Variants in BLM observed in about 807,000 individuals in gnomAD.
BLM encodes recQ-like DNA helicase BLM.
In BLM, 95 loss-of-function variants were observed where a neutral mutation model predicts 135.3. That is an observed-to-expected ratio of 0.70 (90% confidence interval 0.59 to 0.83). The LOEUF (loss-of-function observed/expected upper bound fraction) is 0.83, where lower values mean the gene tolerates loss of function less well. Among genes scored for constraint, BLM ranks in the 40% least tolerant of loss-of-function variants. The pLI is 0.00. For synonymous variants in BLM, 520 were observed against 589.2 expected, an observed-to-expected ratio of 0.88 and a Z score of 1.70; for missense variants, 1,518 against 1,663.9, an observed-to-expected ratio of 0.91 and a Z score of 1.53.
intron 2 of BLM, among the ~76,000 whole-genome samples, chr15:90,747,965 G>T (rs1034327012): frequency 1.3e-5 from 2 of 151,746 alleles, no homozygotes; most frequent in African/African-American, 4.8e-5. Flanking sequence ...CTGCCACCAC[G>T]CCTGGCTAAT....
At chr15:90,804,386 G>T (rs750165579) in intron 19 of BLM, 27 bp downstream of exon 19, 2 of 1,591,082 alleles carry the variant, frequency 1.3e-6, no homozygotes, top group Admixed American at 3.3e-5. Context: ...CCTTTGTTAC[G>T]TGGCACAGAT....
intron 1 of BLM, among the ~76,000 whole-genome samples, chr15:90,736,810 AAT>A (rs1388464111): frequency 2.0e-5 from 3 of 152,212 alleles, no homozygotes; most frequent in Non-Finnish European, 4.4e-5. Context: ...AAGAAGGGAA[AAT>A]ATGAGACTCT....
At chr15:90,804,688 C>A (rs1897248801) in intron 19 of BLM, among the ~76,000 whole-genome samples, 1 of 152,154 alleles carries the variant, frequency 6.6e-6, no homozygotes, top group African/African-American at 2.4e-5. Context: ...TGGTCTCGAA[C>A]TCTTGGCTTC....
intron 1 of BLM, among the ~76,000 whole-genome samples, chr15:90,725,147 G>A (rs926007507): frequency 1.3e-5 from 2 of 152,112 alleles, no homozygotes. Context: ...GACCTCAGGT[G>A]ATCTGCCCGT....
chr15:90,771,516 G>A (rs1896315881), intron 12 of BLM, among the ~76,000 whole-genome samples: 2 of 150,678 alleles, frequency 1.3e-5, no homozygotes, highest in South Asian at 4.2e-4. Flanking sequence ...CAAAAAAAAA[G>A]ATGTCATATT....
At chr15:90,730,804 A>G (rs1047259339) in intron 1 of BLM, among the ~76,000 whole-genome samples, 1 of 152,148 alleles carries the variant, frequency 6.6e-6, no homozygotes, top group Non-Finnish European at 1.5e-5. Context: ...ATTTTATCAT[A>G]TGCTTATTCT....
intron 3 of BLM, among the ~76,000 whole-genome samples, chr15:90,750,366 C>T (rs1403093528): frequency 6.6e-6 from 1 of 152,170 alleles, no homozygotes; most frequent in Non-Finnish European, 1.5e-5. Flanking sequence ...TTACCCGCAG[C>T]CGGCTGAGGT....
rs146035576 is a variant in BLM at position 90,732,954 on chromosome 15, G to A, written c.-4-14435G>A. On this transcript the variant is annotated intron_variant, in intron 1 of 21. Coordinates refer to ENST00000355112, the MANE Select transcript of BLM (RefSeq NM_000057.4). The stretch of plus-strand genomic sequence containing the variant: ...ACTAAATACAAAAACTTAGCCAGGC[G>A]TGGTGGCATGCACCTGTAATCCCAG... Among the ~76,000 whole-genome samples, 522 of 152,232 alleles carry A rather than the reference G, an allele frequency of 3.4e-3. 2 individuals carry two copies. Among genetic ancestry groups the A allele is most frequent in the African/African-American group, 0.012 (509 of 41,550 alleles).
intron 12 of BLM, among the ~76,000 whole-genome samples, chr15:90,770,595 T>A (rs1344484370): frequency 6.6e-6 from 1 of 152,270 alleles, no homozygotes; most frequent in Non-Finnish European, 1.5e-5. Context: ...ACAACTGTTG[T>A]GTGCCGAGTT....
chr15:90,785,111 G>A, intron 14 of BLM, 30 bp downstream of exon 14: 1 of 1,599,310 alleles, frequency 6.3e-7, no homozygotes, highest in African/African-American at 1.4e-5. Flanking sequence ...ACAAATAATA[G>A]AAATAATCTT....
In BLM at chr15:90,760,926, C is replaced by T. The variant is rs1596230143; in HGVS notation, c.1553C>T (p.Ser518Phe). ...AGACTAGGAAAAAAAAATGAAAGCT[C>T]TTATTTCCCAGGAAATGTTCTCACA... ...TPRLGKKNES[S>F]YFPGNVLTST... is the part of the protein sequence containing the mutation. The change falls in exon 7 of 22, where the codon TCT becomes TTT. Residue 518 changes from serine to phenylalanine, a missense_variant. By Grantham distance (155) the Ser-to-Phe change is radical. Transcript: ENST00000355112. 6.2e-7 allele frequency: 1 copy of T among 1,614,002 alleles called. No homozygotes were observed. Among genetic ancestry groups the T allele is most frequent in the Non-Finnish European group, 8.5e-7 (1 of 1,179,986 alleles).
At position 90,749,922 on chromosome 15, in the gene BLM, A is replaced by G; in HGVS notation, c.654A>G (p.Ile218Met). 1 of 1,613,684 alleles carries G rather than the reference A, an allele frequency of 6.2e-7. No homozygotes were observed. The highest frequency in any genetic ancestry group is 8.5e-7 in the Non-Finnish European group (1 of 1,179,526). The change falls in exon 3 of 22, where the codon ATA (isoleucine) becomes ATG (methionine). Residue 218 changes from isoleucine to methionine, a missense_variant. Ile to Met is a conservative substitution (Grantham distance 10). Coordinates refer to ENST00000355112, the MANE Select transcript of BLM (RefSeq NM_000057.4). ...CACCCTCCTCTGAAAGCGAGCAAATAGATTTGACTGAGGAACAGAAGGATG... is the reference window on the plus strand; with the variant it reads ...CACCCTCCTCTGAAAGCGAGCAAATGGATTTGACTGAGGAACAGAAGGATG... ...LPPPSSESEQ[I>M]DLTEEQKDDS...
chr15:90,749,783 C>T lies in BLM; in HGVS notation c.515C>T (p.Pro172Leu), dbSNP rs1366240473. ...TSETSKSFVT[P>L]PQSHFVRVST... ...GAGACTTCAAAATCATTTGTTACAC[C>T]ACCCCAAAGTCACTTTGTAAGAGTA... The change falls in exon 3 of 22, where the codon CCA becomes CTA. Residue 172 changes from proline to leucine, a missense_variant. This residue lies in a region of BLM where 724 missense variants were observed against 756.9 expected (regional missense o/e 0.96). Transcript: ENST00000355112. The T allele has an allele frequency of 1.9e-6, 3 of 1,611,888 alleles. No homozygotes were observed. The Admixed American group carries it at 5.0e-5, about 27-fold the overall frequency.
chr15:90,741,693 T>G (rs1895368020), intron 1 of BLM, among the ~76,000 whole-genome samples: 2 of 152,218 alleles, frequency 1.3e-5, no homozygotes, highest in African/African-American at 4.8e-5. Flanking sequence ...AATTATCTAT[T>G]GTTATGACTG....
At chr15:90,814,613 G>A (rs1270328347) in intron 21 of BLM, among the ~76,000 whole-genome samples, 5 of 152,166 alleles carry the variant, frequency 3.3e-5, no homozygotes, top group African/African-American at 1.2e-4. Context: ...TGCCACTCCT[G>A]GCCACCCAGC....
chr15:90,738,432 G>A (rs889516783), intron 1 of BLM, among the ~76,000 whole-genome samples: 2 of 152,108 alleles, frequency 1.3e-5, no homozygotes, highest in Non-Finnish European at 2.9e-5. Context: ...AAATTTGCCA[G>A]GTGTGATGGT....
At position 90,749,787 on chromosome 15, in the gene BLM, C is replaced by G; in HGVS notation, c.519C>G (p.Pro173=). The G allele has an allele frequency of 6.2e-7, 1 of 1,611,328 alleles. No homozygotes were observed. Among genetic ancestry groups the G allele is most frequent in the Non-Finnish European group, 8.5e-7 (1 of 1,178,600 alleles). The change falls in exon 3 of 22, where the codon CCC becomes CCG. Residue 173 remains proline (P), a synonymous_variant. Coordinates refer to ENST00000355112, the MANE Select transcript of BLM (RefSeq NM_000057.4). ...CTTCAAAATCATTTGTTACACCACC[C>G]CAAAGTCACTTTGTAAGAGTAAGCA... ...SETSKSFVTP[P]QSHFVRVSTA... is the part of the protein sequence containing the mutation.
At chr15:90,730,738 G>A (rs1231523634) in intron 1 of BLM, among the ~76,000 whole-genome samples, 1 of 152,134 alleles carries the variant, frequency 6.6e-6, no homozygotes, top group Admixed American at 6.5e-5. Flanking sequence ...GAGCCACCAT[G>A]CCCGGCGTGA....
Position 90,794,462 on chromosome 15 carries a change from CAG to C in BLM, c.3210+106_3210+107del, listed in dbSNP as rs28385104. Reference sequence around the variant, plus strand: ...CAAAAGGTGGTCTCCGACAGATTAACAGGGGAAAGACAGCTTCCTTCCAGTAG... The same window carrying C: ...CAAAAGGTGGTCTCCGACAGATTAACGGGAAAGACAGCTTCCTTCCAGTAG... On this transcript the variant is annotated intron_variant, in intron 16 of 21. Coordinates refer to ENST00000355112, the MANE Select transcript of BLM (RefSeq NM_000057.4). 4,238 of 875,934 alleles carry C rather than the reference CAG, an allele frequency of 4.8e-3. 71 individuals are homozygous for C. Among genetic ancestry groups the C allele is most frequent in the East Asian group, 0.034 (1,207 of 35,626 alleles). 54.3% of individuals were successfully genotyped at this position (875,934 alleles called of 1,614,324 possible).
Sources: gnomAD v4.1 joint callset for allele counts (sites outside exome capture counted in the v4.1 genomes callset) on GRCh38, gnomAD v4.1.1 for gene constraint, gnomAD v4.1.1 regional missense constraint, MANE v1.5 for transcripts, NCBI Gene and HGNC (gene_info 2026-07-23, HGNC 2026-07-21) for gene names.